PKIA: variants seen among roughly 807,000 people sequenced by gnomAD.
PKIA encodes cAMP-dependent protein kinase inhibitor alpha.
PKIA carries 4 observed loss-of-function variants against 7.6 expected under a neutral mutation model. That is an observed-to-expected ratio of 0.52 (90% CI 0.26 to 1.20). PKIA has a LOEUF of 1.20. Ranked by LOEUF, PKIA falls within the 50% of genes most tolerant of loss-of-function variation. The probability of loss-of-function intolerance (pLI) is 0.13; values close to 1 mark genes in which losing one functional copy is unlikely to be tolerated. For synonymous variants in PKIA, 21 were observed against 30.7 expected, an observed-to-expected ratio of 0.68 and a Z score of 1.04; for missense variants, 73 against 86.2, an observed-to-expected ratio of 0.85 and a Z score of 0.61.
chr8:78,598,398 A>C lies in PKIA; in HGVS notation c.14A>C (p.Glu5Ala). The change falls in exon 3 of 4, where the codon GAA becomes GCA. Residue 5 changes from glutamate to alanine, a missense_variant. Glu to Ala is a moderately radical substitution (Grantham distance 107). Coordinates refer to ENST00000396418, the MANE Select transcript of PKIA (RefSeq NM_006823.4). Reference protein sequence around the residue: MTDVETTYADFIASG... With the variant: MTDVATTYADFIASG... Reference sequence around the variant, plus strand: ...TATTTGGTAGCAATGACTGATGTGGAAACTACATATGCAGATTTTATTGCT... The same window carrying C: ...TATTTGGTAGCAATGACTGATGTGGCAACTACATATGCAGATTTTATTGCT... 1 of 1,610,660 alleles carries C rather than the reference A, an allele frequency of 6.2e-7. No individual in the cohort carries two copies.
intron 1 of PKIA, among the ~76,000 whole-genome samples, chr8:78,554,421 AT>A (rs1807076268): frequency 6.6e-6 from 1 of 152,024 alleles, no homozygotes; most frequent in South Asian, 2.1e-4. Flanking sequence ...CAATATTTAA[AT>A]CCAGGAACTT....
chr8:78,598,911 T>C (rs889965969), intron 3 of PKIA, among the ~76,000 whole-genome samples: 1 of 152,138 alleles, frequency 6.6e-6, no homozygotes, highest in Non-Finnish European at 1.5e-5. Context: ...ACTAGGTAGA[T>C]ATTTAACAAG....
chr8:78,605,242 A>G lies in PKIA; in HGVS notation c.*3421A>G, dbSNP rs1412878230. 1 of 152,004 alleles carries G rather than the reference A, an allele frequency of 6.6e-6. No homozygotes were observed. Among genetic ancestry groups the G allele is most frequent in the Non-Finnish European group, 1.5e-5 (1 of 67,960 alleles). The allele number at this position is 152,004 out of a possible 1,614,324, so 9.4% of individuals were successfully genotyped here. ...TGCATGCTCACATAATTGAAAATTA[A>G]AAGTAACACATTTTTCTGAAATGTA... On this transcript the variant is annotated 3_prime_UTR_variant, in exon 4 of 4. Coordinates refer to ENST00000396418, the MANE Select transcript of PKIA (RefSeq NM_006823.4).
chr8:78,548,885 A>C (rs1806906717), intron 1 of PKIA, among the ~76,000 whole-genome samples: 2 of 152,086 alleles, frequency 1.3e-5, no homozygotes, highest in South Asian at 4.1e-4. Flanking sequence ...ATACTATCAT[A>C]CTCAATTCAT....
intron 1 of PKIA, among the ~76,000 whole-genome samples, chr8:78,533,597 C>T (rs1806445559): frequency 6.6e-6 from 1 of 152,078 alleles, no homozygotes; most frequent in Non-Finnish European, 1.5e-5. Context: ...TGGCTCACAT[C>T]TATAATCCCA....
chr8:78,578,267 A>T (rs1807723923), intron 2 of PKIA, among the ~76,000 whole-genome samples: 1 of 152,020 alleles, frequency 6.6e-6, no homozygotes, highest in Admixed American at 6.6e-5. Context: ...TTCACTTATG[A>T]CAAGTCTCAA....
intron 2 of PKIA, among the ~76,000 whole-genome samples, chr8:78,584,304 T>C (rs1178338331): frequency 6.6e-6 from 1 of 152,094 alleles, no homozygotes; most frequent in Non-Finnish European, 1.5e-5. Context: ...AGTTTAAAAG[T>C]CACCCTAGGT....
chr8:78,577,694 A>C (rs1488580570), intron 2 of PKIA, among the ~76,000 whole-genome samples: 1 of 152,032 alleles, frequency 6.6e-6, no homozygotes, highest in Admixed American at 6.6e-5. Context: ...CACTTACCAA[A>C]GTATCAAGAG....
At chr8:78,588,680 T>C (rs1030618284) in intron 2 of PKIA, among the ~76,000 whole-genome samples, 2 of 152,158 alleles carry the variant, frequency 1.3e-5, no homozygotes, top group Non-Finnish European at 2.9e-5. Context: ...TCTGTAGTGA[T>C]AGTTCCTGAG....
chr8:78,601,677 C>A, intron 3 of PKIA, 65 bp from the exon 4 acceptor site: 3 of 1,164,270 alleles, frequency 2.6e-6, no homozygotes, highest in Non-Finnish European at 3.8e-6. Context: ...GACATATTGA[C>A]AGTTGGTAAA....
chr8:78,592,035 C>T (rs1188859605), intron 2 of PKIA, among the ~76,000 whole-genome samples: 1 of 151,822 alleles, frequency 6.6e-6, no homozygotes, highest in African/African-American at 2.4e-5. Flanking sequence ...AAGTACAAGT[C>T]GTCTATACAG....
At chr8:78,536,990 C>T (rs943619041) in intron 1 of PKIA, among the ~76,000 whole-genome samples, 3 of 151,176 alleles carry the variant, frequency 2.0e-5, no homozygotes, top group African/African-American at 7.3e-5. Context: ...TACAACTTTA[C>T]CTTTCCTTCT....
intron 2 of PKIA, among the ~76,000 whole-genome samples, chr8:78,596,807 C>T (rs1306488762): frequency 3.9e-5 from 6 of 152,120 alleles, no homozygotes; most frequent in Non-Finnish European, 8.8e-5. Flanking sequence ...TCAGGTTTTA[C>T]ATTTAAGTCT....
intron 1 of PKIA, among the ~76,000 whole-genome samples, chr8:78,536,466 G>A (rs1806525865): frequency 6.6e-6 from 1 of 152,028 alleles, no homozygotes; most frequent in Admixed American, 6.6e-5. Flanking sequence ...AAAAAGAAGA[G>A]GAGTCTGATG....
At chr8:78,578,020 A>AT (rs914436789) in intron 2 of PKIA, among the ~76,000 whole-genome samples, 10 of 151,942 alleles carry the variant, frequency 6.6e-5, no homozygotes, top group African/African-American at 2.2e-4. Flanking sequence ...TTAGAATTTT[A>AT]TTTTAAAATG....
intron 1 of PKIA, among the ~76,000 whole-genome samples, chr8:78,569,430 C>A (rs1484860312): frequency 6.6e-6 from 1 of 152,050 alleles, no homozygotes; most frequent in Non-Finnish European, 1.5e-5. Context: ...TGTGAGTCAG[C>A]GTCCCTCTGT....
chr8:78,540,223 G>A (rs74422641), intron 1 of PKIA, among the ~76,000 whole-genome samples: 4,947 of 151,940 alleles, frequency 0.033, 257 homozygotes, highest in African/African-American at 0.11. Context: ...AGGTCTCGAG[G>A]GTGCCAGCTC....
intron 1 of PKIA, among the ~76,000 whole-genome samples, chr8:78,526,785 T>C (rs1423821527): frequency 6.6e-6 from 1 of 151,382 alleles, no homozygotes; most frequent in African/African-American, 2.4e-5. Context: ...AAAAAAAAAA[T>C]AGAGCCTCAC....
intron 2 of PKIA, among the ~76,000 whole-genome samples, chr8:78,597,443 T>C (rs139553482): frequency 6.6e-6 from 1 of 152,318 alleles, no homozygotes; most frequent in East Asian, 1.9e-4. Flanking sequence ...ATTTGATCAC[T>C]GAAAATATTT....
Sources: gnomAD v4.1 joint callset for allele counts (sites outside exome capture counted in the v4.1 genomes callset) on GRCh38, gnomAD v4.1.1 for gene constraint, MANE v1.5 for transcripts, NCBI Gene and HGNC (gene_info 2026-07-23, HGNC 2026-07-21) for gene names.